The following GSTM2 variants were observed in gnomAD, a reference collection of about 807,000 sequenced individuals.
GSTM2 encodes the protein glutathione S-transferase mu 2, also known as GST class-mu 2.
A neutral mutation model predicts 33.3 loss-of-function variants in GSTM2; 33 were observed. The ratio of observed to expected loss-of-function variants is 0.99; its 90% CI spans 0.75 to 1.33. The LOEUF is 1.33. GSTM2 is among the 40% of genes most tolerant of loss of function. GSTM2 has a pLI of 0.00. For synonymous variants in GSTM2, 93 were observed against 95.6 expected (o/e 0.97, Z 0.16); for missense variants, 213 against 265.8 (o/e 0.80, Z 1.38).
chr1:109,672,959 T>C (rs1338319246), intron 7 of GSTM2, among the ~76,000 whole-genome samples: 1 of 150,854 alleles, frequency 6.6e-6, no homozygotes, highest in Admixed American at 6.7e-5. Context: ...AACCTCTGTC[T>C]CCTGGGTTCA....
downstream of GSTM2, among the ~76,000 whole-genome samples, chr1:109,675,460 CAG>C (rs1479054400): frequency 2.7e-5 from 4 of 148,208 alleles, no homozygotes; most frequent in Non-Finnish European, 5.9e-5. Context: ...CTGAGAGACT[CAG>C]AGCAGGAAGC....
chr1:109,676,667 T>C (rs1260921739), downstream of GSTM2, among the ~76,000 whole-genome samples: 1 of 152,228 alleles, frequency 6.6e-6, no homozygotes, highest in African/African-American at 2.4e-5. Flanking sequence ...TTTGCTTTTT[T>C]ACGCTTTTTC....
At chr1:109,682,651 A>G (rs1647880936) in intron 7 of GSTM2, among the ~76,000 whole-genome samples, 1 of 128,420 alleles carries the variant, frequency 7.8e-6, no homozygotes. Flanking sequence ...TGCCTGTTCT[A>G]CTTTCTTGAA....
downstream of GSTM2, among the ~76,000 whole-genome samples, chr1:109,677,651 T>C (rs914011426): frequency 2.6e-5 from 4 of 152,292 alleles, no homozygotes; most frequent in South Asian, 2.1e-4. Context: ...TTGTGAGAAC[T>C]GGAAGGTTGC....
intron 3 of GSTM2, 62 bp downstream of exon 3, chr1:109,669,051 T>C: frequency 6.4e-7 from 1 of 1,553,438 alleles, no homozygotes; most frequent in Admixed American, 1.7e-5. Context: ...CTGCATCTCC[T>C]CTCCCCAGCT....
chr1:109,674,912 T>G lies in GSTM2; in HGVS notation c.*76T>G. ...CCCAGGCTGTGCAGCGCAGCTGGAC[T>G]CTGCATCCCAGCACCTGCCTCCTCG... On this transcript the variant is annotated 3_prime_UTR_variant, in exon 8 of 8. Coordinates refer to ENST00000241337, the MANE Select transcript of GSTM2 (RefSeq NM_000848.4). The G allele has an allele frequency of 6.3e-7, 1 of 1,585,858 alleles. No homozygotes were observed. The highest frequency in any genetic ancestry group is 8.7e-7 in the Non-Finnish European group (1 of 1,155,658).
downstream of GSTM2, among the ~76,000 whole-genome samples, chr1:109,678,267 C>T (rs1006715493): frequency 6.6e-5 from 10 of 152,254 alleles, no homozygotes; most frequent in African/African-American, 1.7e-4. Flanking sequence ...GCCTCAGCCT[C>T]CTGAGTAGCT....
intron 7 of GSTM2, 46 bp from the exon 8 acceptor site, chr1:109,674,701 A>C (rs1298797792): frequency 1.2e-6 from 2 of 1,613,612 alleles, no homozygotes; most frequent in Admixed American, 3.3e-5. Flanking sequence ...GCCAGCCCTC[A>C]TGGGCAGCTG....
At chr1:109,673,341 C>A in intron 7 of GSTM2, 5 of 1,479,226 alleles carry the variant, frequency 3.4e-6, no homozygotes, top group Non-Finnish European at 4.6e-6. Flanking sequence ...CAGTGAGAGG[C>A]CTGCAGGCAG....
At chr1:109,671,095 A>G (rs1647524015) in intron 5 of GSTM2, 192 bp from the exon 6 acceptor site, 1 of 595,858 alleles carries the variant, frequency 1.7e-6, no homozygotes, top group East Asian at 2.8e-5. Flanking sequence ...CACCTCAGAA[A>G]GACTCCAGCT....
intron 5 of GSTM2, 93 bp downstream of exon 5, chr1:109,669,664 G>A: frequency 1.3e-6 from 1 of 797,014 alleles, no homozygotes; most frequent in Admixed American, 2.2e-5. Context: ...ATTCCTTCTG[G>A]TGAGTTCTTG....
intron 5 of GSTM2, chr1:109,670,375 G>A (rs1264529131): frequency 6.6e-6 from 1 of 152,166 alleles, no homozygotes. Context: ...CAGGAGCCAA[G>A]ACTGTGGTCC....
chr1:109,668,077 CG>C lies in GSTM2; in HGVS notation c.-38del. The C allele has an allele frequency of 6.2e-7, 1 of 1,610,772 alleles. No homozygotes were observed. The highest frequency in any genetic ancestry group is 8.5e-7 in the Non-Finnish European group (1 of 1,176,948). ...CTCTCACAAACGCTGAGCCCCGCCC[CG>C]CTGAGGCCTGTCTGCAGAATCCACA... On this transcript the variant is annotated 5_prime_UTR_variant, in exon 1 of 8. Coordinates refer to ENST00000241337, the MANE Select transcript of GSTM2 (RefSeq NM_000848.4).
intron 7 of GSTM2, chr1:109,673,068 C>G: frequency 1.0e-6 from 1 of 970,986 alleles, no homozygotes; most frequent in Non-Finnish European, 1.6e-6. Flanking sequence ...TGGGGTTTTG[C>G]TATGTTGGCC....
downstream of GSTM2, among the ~76,000 whole-genome samples, chr1:109,677,687 T>C (rs1482422745): frequency 6.6e-6 from 1 of 152,194 alleles, no homozygotes; most frequent in Admixed American, 6.5e-5. Context: ...GGTGGAGTGC[T>C]GTAAGTTTTC....
chr1:109,673,338 A>T, intron 7 of GSTM2: 1 of 1,488,072 alleles, frequency 6.7e-7, no homozygotes, highest in Non-Finnish European at 9.2e-7. Context: ...GTGCAGTGAG[A>T]GGCCTGCAGG....
chr1:109,682,745 A>G (rs1311441408), intron 7 of GSTM2, among the ~76,000 whole-genome samples: 1 of 126,388 alleles, frequency 7.9e-6, no homozygotes, highest in African/African-American at 2.5e-5. Context: ...GCATCTTCAA[A>G]TGGTGATTTC....
intron 5 of GSTM2, 86 bp downstream of exon 5, chr1:109,669,657 C>G (rs909396482): frequency 1.5e-5 from 13 of 848,508 alleles, no homozygotes; most frequent in Non-Finnish European, 2.5e-5. Flanking sequence ...AAAATTGATT[C>G]CTTCTGGTGA....
rs1389626473 is a variant in GSTM2, at chr1:109,668,307, C to A, written c.37-118C>A. 5 of 946,062 alleles carry A rather than the reference C, an allele frequency of 5.3e-6. No individual in the cohort carries two copies. In the Admixed American group the frequency reaches 7.6e-5, roughly 14 times the overall value. The allele number at this position is 946,062 out of a possible 1,614,324, so 58.6% of individuals were successfully genotyped here. ...CTGTCTGTGCGTGTGGCTGGGCGTG[C>A]GGGGTGGGGGCGGGTGAGGCAGGAA... is the stretch of plus-strand genomic sequence containing the variant. On this transcript the variant is annotated intron_variant, in intron 1 of 7. Transcript: ENST00000241337.
Sources: allele counts gnomAD v4.1 joint callset (sites outside exome capture counted in the v4.1 genomes callset), GRCh38; gene constraint gnomAD v4.1.1; transcripts MANE v1.5; gene names NCBI Gene and HGNC (gene_info 2026-07-23, HGNC 2026-07-21).